The following ATP2C1 variants were observed in gnomAD, a reference collection of about 807,000 sequenced individuals.
ATP2C1 encodes calcium-transporting ATPase type 2C member 1.
A neutral mutation model predicts 120.5 loss-of-function variants in ATP2C1; 31 were observed. That is an observed-to-expected ratio of 0.26 (90% confidence interval 0.19 to 0.35). The LOEUF (loss-of-function observed/expected upper bound fraction) is 0.35, where lower values mean the gene tolerates loss of function less well. ATP2C1 is among the 10% of genes least tolerant of loss of function. The pLI, the probability that ATP2C1 is intolerant of heterozygous loss-of-function variation, is 1.00. For synonymous variants in ATP2C1, 351 were observed against 358.7 expected (o/e 0.98, Z 0.24); for missense variants, 731 against 1,107.5 (o/e 0.66, Z 4.83).
At chr3:130,897,105 C>T (rs1398284787) in intron 2 of ATP2C1, among the ~76,000 whole-genome samples, 1 of 152,156 alleles carries the variant, frequency 6.6e-6, no homozygotes, top group Non-Finnish European at 1.5e-5. Context: ...GGCCACCTGG[C>T]ATTAATATTG....
intron 2 of ATP2C1, among the ~76,000 whole-genome samples, chr3:130,923,989 A>C (rs972573829): frequency 2.0e-5 from 3 of 152,022 alleles, no homozygotes; most frequent in African/African-American, 7.2e-5. Context: ...TCTTGATGAC[A>C]GCAGATCCTT....
intron 1 of ATP2C1, among the ~76,000 whole-genome samples, chr3:130,869,931 T>G (rs1263133147): frequency 6.6e-6 from 1 of 152,200 alleles, no homozygotes; most frequent in Non-Finnish European, 1.5e-5. Flanking sequence ...CTATACTAAA[T>G]AATAGATTTT....
intron 2 of ATP2C1, among the ~76,000 whole-genome samples, chr3:130,911,333 C>T (rs547673563): frequency 1.3e-5 from 2 of 150,292 alleles, no homozygotes; most frequent in East Asian, 3.9e-4. Flanking sequence ...TTTGATTCTT[C>T]TCTCTTTTTT....
intron 26 of ATP2C1, among the ~76,000 whole-genome samples, chr3:131,011,986 C>T (rs772120046): frequency 6.6e-6 from 1 of 152,148 alleles, no homozygotes. Flanking sequence ...TAGACTGTCA[C>T]TGCTTTACTG....
At chr3:130,924,036 C>T (rs1193522088) in intron 2 of ATP2C1, among the ~76,000 whole-genome samples, 1 of 151,916 alleles carries the variant, frequency 6.6e-6, no homozygotes, top group East Asian at 1.9e-4. Flanking sequence ...CATTCTGTAT[C>T]TTTTAAGTGG....
rs556132189 is a variant in ATP2C1, at chr3:130,911,545, G to A, written c.6+16770G>A. ...TAGTTCTTTTAATTGTGATGTTAGG[G>A]TGTCAATTTTGGATCTTTCCTGCTT... On this transcript the variant is annotated intron_variant, in intron 2 of 27. Transcript: ENST00000510168. Among the ~76,000 whole-genome samples the A allele has an allele frequency of 2.0e-4, 30 of 151,490 alleles. 1 individual carries two copies. The South Asian group carries it at 6.3e-3, about 32-fold the overall frequency.
upstream of ATP2C1, among the ~76,000 whole-genome samples, chr3:130,893,489 G>C (rs1477445063): frequency 6.6e-6 from 1 of 152,192 alleles, no homozygotes; most frequent in Admixed American, 6.5e-5. Context: ...TCAGTGCAGG[G>C]TTTTGCAAGT....
chr3:130,865,769 C>G (rs1015131371), intron 1 of ATP2C1, among the ~76,000 whole-genome samples: 1 of 152,192 alleles, frequency 6.6e-6, no homozygotes, highest in African/African-American at 2.4e-5. Flanking sequence ...GCCTCCCCAG[C>G]CATGTGGAAC....
At chr3:131,005,109 CTTTTT>C (rs35129703), downstream of ATP2C1, among the ~76,000 whole-genome samples, 4 of 92,640 alleles carry the variant, frequency 4.3e-5, no homozygotes, top group African/African-American at 1.3e-4. Context: ...TTTGAATTGT[CTTTTT>C]TTTTTTTTTT....
Position 130,999,541 on chromosome 3 carries a change from A to C in ATP2C1, c.2511A>C (p.Gly837=). 1.9e-6 allele frequency: 3 copies of C among 1,613,584 alleles called. No homozygotes were observed. The highest frequency in any genetic ancestry group is 2.5e-6 in the Non-Finnish European group (3 of 1,179,736). The change falls in exon 27 of 28, where the codon GGA becomes GGC. Residue 837 remains glycine (G), a synonymous_variant. Coordinates refer to ENST00000510168, the MANE Select transcript of ATP2C1 (RefSeq NM_001378687.1). The part of the protein sequence containing the change: ...RSQTKSVFEI[G]LCSNRMFCYA... ...AGACCAAGTCTGTGTTTGAGATTGG[A>C]CTCTGCAGTAATAGAATGTTTTGCT...
At chr3:130,885,370 A>G (rs1397898004) in intron 1 of ATP2C1, among the ~76,000 whole-genome samples, 1 of 152,022 alleles carries the variant, frequency 6.6e-6, no homozygotes. Flanking sequence ...ACTTTCTCTT[A>G]CTATTTTGTT....
At chr3:130,887,638 C>T (rs1376994676) in intron 1 of ATP2C1, among the ~76,000 whole-genome samples, 1 of 152,152 alleles carries the variant, frequency 6.6e-6, no homozygotes, top group African/African-American at 2.4e-5. Context: ...TGGTTTTCTA[C>T]ACCACCATTG....
At chr3:130,853,404 T>G (rs892983528) in intron 1 of ATP2C1, among the ~76,000 whole-genome samples, 1 of 152,234 alleles carries the variant, frequency 6.6e-6, no homozygotes, top group Non-Finnish European at 1.5e-5. Context: ...TTGAATGTAG[T>G]GTCTGCATGC....
At chr3:130,991,723 T>C (rs778575470) in intron 20 of ATP2C1, among the ~76,000 whole-genome samples, 1 of 152,112 alleles carries the variant, frequency 6.6e-6, no homozygotes, top group African/African-American at 2.4e-5. Flanking sequence ...TCTGGAGTAA[T>C]GGTCTTAATA....
At chr3:130,918,499 G>A in intron 2 of ATP2C1, 1 of 774,496 alleles carries the variant, frequency 1.3e-6, no homozygotes, top group Non-Finnish European at 2.4e-6. Flanking sequence ...GGATTTGCTT[G>A]TAGGCATGTG....
At chr3:130,893,170 T>C (rs1003594857), upstream of ATP2C1, among the ~76,000 whole-genome samples, 7 of 152,290 alleles carry the variant, frequency 4.6e-5, no homozygotes, top group South Asian at 8.3e-4. Flanking sequence ...AAAGCACTTA[T>C]TAGGGGTCTG....
chr3:130,923,597 G>A (rs2059064404), intron 2 of ATP2C1, among the ~76,000 whole-genome samples: 1 of 151,996 alleles, frequency 6.6e-6, no homozygotes, highest in East Asian at 1.9e-4. Context: ...GCCGGAAGTG[G>A]TGGCTCACAC....
intron 1 of ATP2C1, among the ~76,000 whole-genome samples, chr3:130,881,828 G>T (rs187958287): frequency 6.6e-6 from 1 of 151,946 alleles, no homozygotes; most frequent in Admixed American, 6.6e-5. Context: ...ATTACATGTG[G>T]GATTATTTTT....
intron 2 of ATP2C1, among the ~76,000 whole-genome samples, chr3:130,917,595 A>G (rs765866092): frequency 7.2e-5 from 11 of 152,252 alleles, no homozygotes; most frequent in Non-Finnish European, 1.5e-4. Context: ...ATTTAAAAAC[A>G]CTAGTAAAAC....
Sources: gnomAD v4.1 joint callset for allele counts (sites outside exome capture counted in the v4.1 genomes callset) on GRCh38, gnomAD v4.1.1 for gene constraint, MANE v1.5 for transcripts, NCBI Gene and HGNC (gene_info 2026-07-23, HGNC 2026-07-21) for gene names.